Variants in GRIK3 observed in about 807,000 individuals in gnomAD.
GRIK3 encodes glutamate receptor ionotropic, kainate 3.
Under a neutral mutation model 102.5 loss-of-function variants are expected in GRIK3, and 29 were observed. The observed-to-expected ratio is 0.28, with a 90% CI of 0.21 to 0.39. The LOEUF is 0.39. GRIK3 is among the 10% of genes least tolerant of loss of function. The pLI, the probability that GRIK3 is intolerant of heterozygous loss-of-function variation, is 1.00. For missense variants in GRIK3, 908 were observed against 1,252.4 expected (o/e 0.73, Z 4.15); for synonymous variants, 511 against 504.9 (o/e 1.01, Z -0.16).
At chr1:36,980,363 C>G (rs1356010710) in intron 1 of GRIK3, among the ~76,000 whole-genome samples, 1 of 151,894 alleles carries the variant, frequency 6.6e-6, no homozygotes, top group African/African-American at 2.4e-5. Flanking sequence ...CACGTGGGCA[C>G]CCAGCCCCCT....
chr1:36,939,440 G>A (rs991982065), intron 1 of GRIK3, among the ~76,000 whole-genome samples: 2 of 152,318 alleles, frequency 1.3e-5, no homozygotes, highest in South Asian at 2.1e-4. Context: ...AGCCATCCCC[G>A]CTTAGAAGAG....
intron 1 of GRIK3, among the ~76,000 whole-genome samples, chr1:36,985,046 C>T (rs903790059): frequency 5.9e-5 from 9 of 152,144 alleles, no homozygotes; most frequent in African/African-American, 2.2e-4. Flanking sequence ...TGATTCTGGG[C>T]ACTGGCATTC....
chr1:36,945,195 C>T (rs1273221515), intron 1 of GRIK3, among the ~76,000 whole-genome samples: 2 of 152,266 alleles, frequency 1.3e-5, no homozygotes, highest in Non-Finnish European at 2.9e-5. Context: ...CTAAGTGGAA[C>T]ATATTTCTCC....
At chr1:36,957,765 G>A (rs913015769) in intron 1 of GRIK3, among the ~76,000 whole-genome samples, 10 of 146,288 alleles carry the variant, frequency 6.8e-5, no homozygotes, top group African/African-American at 2.5e-4. Flanking sequence ...CTGTGAGCAT[G>A]TGTGTCCCAT....
intron 15 of GRIK3, among the ~76,000 whole-genome samples, chr1:36,803,066 A>G (rs1642459426): frequency 6.6e-6 from 1 of 152,140 alleles, no homozygotes; most frequent in Non-Finnish European, 1.5e-5. Flanking sequence ...TAGATAATGA[A>G]CACGTGAACA....
intron 9 of GRIK3, among the ~76,000 whole-genome samples, chr1:36,843,157 C>T (rs1426861390): frequency 2.6e-5 from 4 of 152,176 alleles, no homozygotes; most frequent in South Asian, 2.1e-4. Flanking sequence ...TGGAGAGAGG[C>T]GATCCACTTC....
intron 1 of GRIK3, among the ~76,000 whole-genome samples, chr1:36,935,849 T>C (rs912972129): frequency 3.9e-5 from 6 of 152,228 alleles, no homozygotes; most frequent in Non-Finnish European, 7.3e-5. Context: ...AAAATGTGGT[T>C]AATGGATTCT....
chr1:36,802,066 G>A (rs1231133656), intron 15 of GRIK3, 21 bp from the exon 16 acceptor site: 2 of 1,582,762 alleles, frequency 1.3e-6, no homozygotes, highest in East Asian at 2.2e-5. Context: ...GTGGAGGAGA[G>A]GGGTCGGAAA....
At chr1:36,809,732 T>A (rs1413400567) in intron 13 of GRIK3, among the ~76,000 whole-genome samples, 1 of 152,152 alleles carries the variant, frequency 6.6e-6, no homozygotes, top group Non-Finnish European at 1.5e-5. Flanking sequence ...AGTTGGGGGC[T>A]GAAGGGAGTG....
intron 3 of GRIK3, among the ~76,000 whole-genome samples, chr1:36,878,464 G>A (rs1022714767): frequency 6.6e-6 from 1 of 152,202 alleles, no homozygotes; most frequent in Non-Finnish European, 1.5e-5. Context: ...ACTATTTCCA[G>A]TCCCCATTAG....
At chr1:36,952,391 G>A (rs140873948) in intron 1 of GRIK3, among the ~76,000 whole-genome samples, 208 of 152,158 alleles carry the variant, frequency 1.4e-3, no homozygotes, top group African/African-American at 3.5e-3. Flanking sequence ...CAGAGCAGGT[G>A]CTGAATGAAT....
At chr1:36,963,258 G>A (rs1046539226) in intron 1 of GRIK3, among the ~76,000 whole-genome samples, 7 of 152,118 alleles carry the variant, frequency 4.6e-5, no homozygotes, top group Admixed American at 2.0e-4. Flanking sequence ...CCATAAGTAC[G>A]TCTGGGGGAG....
At chr1:36,956,890 G>C (rs900186795) in intron 1 of GRIK3, among the ~76,000 whole-genome samples, 1 of 152,232 alleles carries the variant, frequency 6.6e-6, no homozygotes, top group Admixed American at 6.5e-5. Context: ...GTTTTACAGA[G>C]AGCAGTCATT....
intron 1 of GRIK3, among the ~76,000 whole-genome samples, chr1:36,956,543 T>C (rs559404760): frequency 2.0e-4 from 31 of 152,250 alleles, no homozygotes; most frequent in African/African-American, 7.5e-4. Context: ...CCCAGGGCCA[T>C]GTCCACCCCA....
intron 1 of GRIK3, among the ~76,000 whole-genome samples, chr1:36,952,249 C>T (rs974771781): frequency 3.3e-5 from 5 of 152,224 alleles, no homozygotes; most frequent in Non-Finnish European, 7.3e-5. Context: ...CTCCTCAGGG[C>T]CCACGATGTC....
chr1:36,838,457 T>G (rs767458449), intron 10 of GRIK3, among the ~76,000 whole-genome samples: 10 of 152,162 alleles, frequency 6.6e-5, no homozygotes, highest in Non-Finnish European at 1.3e-4. Flanking sequence ...GAGGGTATAA[T>G]CACTGCTCTG....
At chr1:36,891,691 A>G (rs866562418) in intron 1 of GRIK3, among the ~76,000 whole-genome samples, 1 of 152,252 alleles carries the variant, frequency 6.6e-6, no homozygotes, top group Middle Eastern at 3.2e-3. Flanking sequence ...AAGAAAAATA[A>G]GAGGCATGGG....
At chr1:36,972,469 G>A (rs1226309291) in intron 1 of GRIK3, among the ~76,000 whole-genome samples, 2 of 152,198 alleles carry the variant, frequency 1.3e-5, no homozygotes, top group Non-Finnish European at 2.9e-5. Context: ...CACAGAGAGA[G>A]TGGAAGGGGT....
intron 1 of GRIK3, among the ~76,000 whole-genome samples, chr1:37,024,543 G>A (rs1455202270): frequency 6.6e-6 from 1 of 150,810 alleles, no homozygotes; most frequent in Non-Finnish European, 1.5e-5. Context: ...TCAGGAGTTC[G>A]ACCAGCCTGG....
Sources: allele counts gnomAD v4.1 joint callset (sites outside exome capture counted in the v4.1 genomes callset), GRCh38; gene constraint gnomAD v4.1.1; transcripts MANE v1.5; gene names NCBI Gene and HGNC (gene_info 2026-07-23, HGNC 2026-07-21).